The following SLC4A4 variants were observed in gnomAD, a reference collection of about 807,000 sequenced individuals.
SLC4A4 encodes electrogenic sodium bicarbonate cotransporter 1.
A neutral mutation model predicts 111.5 loss-of-function variants in SLC4A4; 27 were observed. The observed-to-expected ratio is 0.24, with a 90% CI of 0.18 to 0.33. The LOEUF (loss-of-function observed/expected upper bound fraction) is 0.33. Among genes scored for constraint, SLC4A4 ranks in the 10% least tolerant of loss-of-function variants. The pLI is 1.00. For missense variants in SLC4A4, 909 were observed against 1,315.5 expected (o/e 0.69, Z 4.78); for synonymous variants, 443 against 463.4 (o/e 0.96, Z 0.57).
intron 3 of SLC4A4, among the ~76,000 whole-genome samples, chr4:71,318,227 T>C (rs1241575711): frequency 6.6e-6 from 1 of 152,098 alleles, no homozygotes. Flanking sequence ...AAGTCTTTGC[T>C]CATTTTAAAT....
Position 71,357,155 on chromosome 4 carries a change from G to A in SLC4A4, c.698G>A (p.Ser233Asn). 4 of 1,614,156 alleles carry A rather than the reference G, an allele frequency of 2.5e-6. No individual in the cohort carries two copies. Among genetic ancestry groups the A allele is most frequent in the Non-Finnish European group, 3.4e-6 (4 of 1,180,030 alleles). Residue 233 changes from serine (S) to asparagine (N), a missense_variant, in exon 6 of 26, where the codon AGT (serine) becomes AAT (asparagine). Ser to Asn is a conservative substitution (Grantham distance 46, BLOSUM62 1). This residue lies in a region of SLC4A4 where 312 missense variants were observed against 402.0 expected (regional missense o/e 0.78). Transcript: ENST00000264485. ...GCTGACATTGGGAAGACAGTCTCCA[G>A]TGCAAGTAGGATGTTTACCAACCCT... ...SLADIGKTVS[S>N]ASRMFTNPDN...
chr4:71,076,138 A>G (rs1005981945), intron 1 of SLC4A4, among the ~76,000 whole-genome samples: 1 of 152,138 alleles, frequency 6.6e-6, no homozygotes, highest in Non-Finnish European at 1.5e-5. Context: ...CCTCAGCTAC[A>G]GTGTAAACTC....
At chr4:71,309,401 G>A (rs907836079) in intron 3 of SLC4A4, among the ~76,000 whole-genome samples, 6 of 152,136 alleles carry the variant, frequency 3.9e-5, no homozygotes, top group African/African-American at 7.2e-5. Context: ...GCCTCCTCAC[G>A]TGGGTCCCTG....
intron 3 of SLC4A4, among the ~76,000 whole-genome samples, chr4:71,258,202 C>T (rs143372088): frequency 6.6e-6 from 1 of 152,278 alleles, no homozygotes; most frequent in African/African-American, 2.4e-5. Flanking sequence ...TATTGGAGTT[C>T]CTTGGTGCTA....
chr4:71,218,800 T>A (rs1718577794), intron 1 of SLC4A4, among the ~76,000 whole-genome samples: 1 of 152,164 alleles, frequency 6.6e-6, no homozygotes, highest in Non-Finnish European at 1.5e-5. Flanking sequence ...TAAATTTTAT[T>A]ATTATTTCTA....
intron 7 of SLC4A4, among the ~76,000 whole-genome samples, chr4:71,439,005 GAA>G (rs57756598): frequency 5.2e-4 from 72 of 139,094 alleles, no homozygotes; most frequent in African/African-American, 1.8e-3. Context: ...TTCTATCTCA[GAA>G]AAAAAAAAAA....
chr4:71,407,689 G>A (rs184595621), intron 7 of SLC4A4, among the ~76,000 whole-genome samples: 1 of 151,996 alleles, frequency 6.6e-6, no homozygotes, highest in Non-Finnish European at 1.5e-5. Context: ...AAAAGACTTA[G>A]TTCATCTAAT....
At position 71,267,802 on chromosome 4, in the gene SLC4A4, A is replaced by AAAAAG. The variant is rs1229259482; in HGVS notation, c.253+12407_253+12408insGAAAA. The stretch of plus-strand genomic sequence containing the variant: ...GAGTGAGAGTCTGCCAAAAAAAAAA[A>AAAAAG]AAAAAAAAAAAAAAAAGAAAACGAA... On this transcript the variant is annotated intron_variant, in intron 3 of 25. Coordinates refer to ENST00000264485, the MANE Select transcript of SLC4A4 (RefSeq NM_001098484.3). Among the ~76,000 whole-genome samples, 985 of 148,230 alleles carry AAAAAG rather than the reference A, an allele frequency of 6.6e-3. 42 individuals are homozygous for AAAAAG. The highest frequency in any genetic ancestry group is 0.023 in the African/African-American group (918 of 39,526).
At chr4:71,355,696 C>T (rs1329629035) in intron 5 of SLC4A4, among the ~76,000 whole-genome samples, 1 of 152,066 alleles carries the variant, frequency 6.6e-6, no homozygotes, top group Admixed American at 6.5e-5. Flanking sequence ...GGCTGTGAGG[C>T]CAATTCTGTG....
chr4:71,206,901 G>A (rs551447103), intron 1 of SLC4A4, among the ~76,000 whole-genome samples: 23 of 151,956 alleles, frequency 1.5e-4, no homozygotes, highest in Admixed American at 4.6e-4. Context: ...TACTGCAAGC[G>A]AATCATGCAG....
chr4:71,209,946 C>T (rs528458568), intron 1 of SLC4A4, among the ~76,000 whole-genome samples: 1 of 152,262 alleles, frequency 6.6e-6, no homozygotes, highest in Non-Finnish European at 1.5e-5. Flanking sequence ...TGTGGTCTAA[C>T]CATGAAAGTC....
Position 71,165,986 on chromosome 4 carries a change from A to G in SLC4A4, c.-1-70590A>G, listed in dbSNP as rs1222899058. On this transcript the variant is annotated intron_variant, in intron 2 of 26. Coordinates refer to the SLC4A4 transcript ENST00000649996. ...ATTGGTATTATCCACAGAGCATAAT[A>G]GTGAAAGCAGAAGTAAAGCCAAGAG... Among the ~76,000 whole-genome samples the G allele has an allele frequency of 3.3e-5, 5 of 152,314 alleles. No homozygotes were observed. In the South Asian group the frequency reaches 8.3e-4, roughly 25 times the overall value.
At chr4:71,176,367 G>A (rs1015059953) in intron 2 of SLC4A4, among the ~76,000 whole-genome samples, 2 of 152,090 alleles carry the variant, frequency 1.3e-5, no homozygotes, top group African/African-American at 4.8e-5. Context: ...GGCTTCAGGT[G>A]ATCAAACTAC....
intron 3 of SLC4A4, among the ~76,000 whole-genome samples, chr4:71,272,446 C>T (rs1235068770): frequency 6.6e-6 from 1 of 152,138 alleles, no homozygotes; most frequent in East Asian, 1.9e-4. Flanking sequence ...TGGCGGGATT[C>T]AGACACAGAT....
At chr4:71,347,526 A>T (rs1388262893) in intron 4 of SLC4A4, among the ~76,000 whole-genome samples, 1 of 151,758 alleles carries the variant, frequency 6.6e-6, no homozygotes, top group Non-Finnish European at 1.5e-5. Context: ...CTGTCTGGGG[A>T]CTCTTTTATA....
intron 12 of SLC4A4, among the ~76,000 whole-genome samples, chr4:71,465,856 T>C (rs1017082763): frequency 2.0e-5 from 3 of 152,122 alleles, no homozygotes; most frequent in South Asian, 2.1e-4. Context: ...TAAGTTTACA[T>C]TGGACAATGA....
chr4:71,526,790 G>T (rs897862208), intron 16 of SLC4A4, among the ~76,000 whole-genome samples: 1 of 151,976 alleles, frequency 6.6e-6, no homozygotes, highest in Admixed American at 6.6e-5. Context: ...CCTTCTCGAG[G>T]CTCTAGGGGA....
intron 11 of SLC4A4, among the ~76,000 whole-genome samples, chr4:71,452,583 T>C (rs978795944): frequency 5.3e-5 from 8 of 152,132 alleles, no homozygotes; most frequent in African/African-American, 1.7e-4. Flanking sequence ...GAACTGTAAG[T>C]GCAAGGTCAA....
At chr4:71,406,802 AGGGAGT>A (rs1241934431) in intron 7 of SLC4A4, among the ~76,000 whole-genome samples, 1 of 152,134 alleles carries the variant, frequency 6.6e-6, no homozygotes, top group East Asian at 1.9e-4. Context: ...GTCATTGCAT[AGGGAGT>A]GATTGTAAGC....
Sources: gnomAD v4.1 joint callset for allele counts (sites outside exome capture counted in the v4.1 genomes callset) on GRCh38, gnomAD v4.1.1 for gene constraint, gnomAD v4.1.1 regional missense constraint, MANE v1.5 for transcripts, NCBI Gene and HGNC (gene_info 2026-07-23, HGNC 2026-07-21) for gene names.